RBFOX1: variants seen among roughly 807,000 people sequenced by gnomAD.
RBFOX1 encodes the protein RNA binding fox-1 homolog 1.
Under a neutral mutation model 57.7 loss-of-function variants are expected in RBFOX1, and 8 were observed. The observed-to-expected ratio is 0.14, with a 90% CI of 0.08 to 0.25. RBFOX1 has a LOEUF of 0.25. Among genes scored for constraint, RBFOX1 ranks in the 10% least tolerant of loss-of-function variants. The pLI, the probability that RBFOX1 is intolerant of heterozygous loss-of-function variation, is 1.00. For synonymous variants in RBFOX1, 326 were observed against 222.4 expected, an observed-to-expected ratio of 1.47 and a Z score of -4.15; for missense variants, 611 against 548.5, an observed-to-expected ratio of 1.11 and a Z score of -1.14.
At chr16:6,193,399 T>TATATATAC (rs1567651264) in intron 1 of RBFOX1, among the ~76,000 whole-genome samples, 1 of 39,168 alleles carries the variant, frequency 2.6e-5, no homozygotes, top group South Asian at 9.8e-4. Flanking sequence ...ATACTATATA[T>TATATATAC]ATATATATAT....
Position 7,389,119 on chromosome 16 carries a change from C to CTTTTTA in RBFOX1, c.28-129010_28-129005dup, listed in dbSNP as rs540259114. Among the ~76,000 whole-genome samples, 780 of 152,050 alleles carry CTTTTTA rather than the reference C, an allele frequency of 5.1e-3. 3 individuals carry two copies. Among genetic ancestry groups the CTTTTTA allele is most frequent in the Non-Finnish European group, 8.3e-3 (567 of 67,948 alleles). Reference sequence around the variant, plus strand: ...TACAAGTTGGTCTATTTCTTTGTTCCTTTTTATTTTTATTTTTATTTTTGG... The same window carrying CTTTTTA: ...TACAAGTTGGTCTATTTCTTTGTTCCTTTTTATTTTTATTTTTATTTTTATTTTTGG... On this transcript the variant is annotated intron_variant, in intron 4 of 15. Coordinates refer to ENST00000550418, the MANE Select transcript of RBFOX1 (RefSeq NM_018723.4).
chr16:7,122,724 T>C (rs916543875), intron 4 of RBFOX1, among the ~76,000 whole-genome samples: 11 of 152,130 alleles, frequency 7.2e-5, no homozygotes, highest in African/African-American at 1.9e-4. Flanking sequence ...CTGGGTTCCT[T>C]ACCCAAAGAT....
intron 3 of RBFOX1, among the ~76,000 whole-genome samples, chr16:5,639,212 T>G (rs1385928512): frequency 6.6e-6 from 1 of 152,208 alleles, no homozygotes; most frequent in African/African-American, 2.4e-5. Context: ...TAGAATTGTG[T>G]GCACACATTT....
intron 3 of RBFOX1, among the ~76,000 whole-genome samples, chr16:6,955,685 G>GTATT (rs1437207599): frequency 5.1e-4 from 51 of 100,594 alleles, no homozygotes; most frequent in South Asian, 3.7e-3. Flanking sequence ...ATTTAGGTAT[G>GTATT]TATGTATTTA....
chr16:7,678,790 T>C (rs1033512726), intron 14 of RBFOX1, among the ~76,000 whole-genome samples: 7 of 152,216 alleles, frequency 4.6e-5, no homozygotes. Context: ...TGGAACACCA[T>C]ACATGTAAAA....
chr16:6,104,573 G>T (rs914100204), intron 1 of RBFOX1, among the ~76,000 whole-genome samples: 4 of 152,092 alleles, frequency 2.6e-5, no homozygotes, highest in Admixed American at 6.6e-5. Context: ...GTCAATCTCT[G>T]TTCCCACCCT....
chr16:7,404,225 G>T (rs1043426262), intron 4 of RBFOX1, among the ~76,000 whole-genome samples: 8 of 151,878 alleles, frequency 5.3e-5, no homozygotes, highest in African/African-American at 1.4e-4. Context: ...GCTAAGTTTT[G>T]TATTTTTAGT....
At chr16:6,407,495 G>A (rs193108594) in intron 2 of RBFOX1, among the ~76,000 whole-genome samples, 1 of 151,854 alleles carries the variant, frequency 6.6e-6, no homozygotes, top group African/African-American at 2.4e-5. Context: ...TATATAGAGA[G>A]AGGCAGAGAC....
At chr16:6,915,973 A>G (rs773951300) in intron 3 of RBFOX1, among the ~76,000 whole-genome samples, 1 of 151,878 alleles carries the variant, frequency 6.6e-6, no homozygotes, top group Non-Finnish European at 1.5e-5. Flanking sequence ...AGGCAGAAAA[A>G]TCCAGTTTGA....
At chr16:5,906,727 C>CTTTTTTTTTTTTTTT (rs57589514) in intron 4 of RBFOX1, among the ~76,000 whole-genome samples, 1 of 71,490 alleles carries the variant, frequency 1.4e-5, no homozygotes. Flanking sequence ...ATCCTAGATT[C>CTTTTTTTTTTTTTTT]TTTTTTTTTT....
At chr16:6,504,609 GTAGA>G (rs1001990901) in intron 2 of RBFOX1, among the ~76,000 whole-genome samples, 1 of 152,160 alleles carries the variant, frequency 6.6e-6, no homozygotes, top group African/African-American at 2.4e-5. Flanking sequence ...CCTCATGTTG[GTAGA>G]TAGATGGGCA....
At chr16:6,812,695 C>T (rs1462338760) in intron 3 of RBFOX1, among the ~76,000 whole-genome samples, 1 of 152,098 alleles carries the variant, frequency 6.6e-6, no homozygotes, top group Non-Finnish European at 1.5e-5. Context: ...GTTTTTAATG[C>T]CTAAATGTGG....
intron 3 of RBFOX1, among the ~76,000 whole-genome samples, chr16:6,813,824 C>A (rs188639528): frequency 6.6e-6 from 1 of 151,970 alleles, no homozygotes; most frequent in Non-Finnish European, 1.5e-5. Flanking sequence ...AGGGAGGAGG[C>A]GCTGTTGATA....
chr16:6,721,232 C>G (rs1186427306), intron 3 of RBFOX1, among the ~76,000 whole-genome samples: 1 of 152,186 alleles, frequency 6.6e-6, no homozygotes, highest in Non-Finnish European at 1.5e-5. Flanking sequence ...CACCTGAGGT[C>G]AGGATTTTGA....
rs138468019 is a variant in RBFOX1 at position 6,408,645 on chromosome 16, C to T, written c.-64+91588C>T. Reference sequence around the variant, plus strand: ...AACAAGGCCAGTTTCTCTCCTCTTCCCTCCCTCTCTGACACCGTAGTGTTA... The same window carrying T: ...AACAAGGCCAGTTTCTCTCCTCTTCTCTCCCTCTCTGACACCGTAGTGTTA... On this transcript the variant is annotated intron_variant, in intron 2 of 15. Transcript: ENST00000550418. Among the ~76,000 whole-genome samples the T allele has an allele frequency of 8.0e-4, 122 of 152,202 alleles. 1 individual carries two copies. The highest frequency in any genetic ancestry group is 9.3e-4 in the Non-Finnish European group (63 of 68,012).
chr16:6,212,762 A>G (rs1194361977), intron 1 of RBFOX1, among the ~76,000 whole-genome samples: 1 of 152,162 alleles, frequency 6.6e-6, no homozygotes, highest in Non-Finnish European at 1.5e-5. Context: ...TAATGGAGTA[A>G]TCTGCGTTTT....
chr16:7,707,688 G>C (rs752354184), intron 14 of RBFOX1, among the ~76,000 whole-genome samples: 2 of 152,064 alleles, frequency 1.3e-5, no homozygotes, highest in African/African-American at 4.8e-5. Context: ...CACTCCTCAG[G>C]AAAGCCCACA....
chr16:7,341,480 G>T (rs1011510252), intron 4 of RBFOX1, among the ~76,000 whole-genome samples: 3 of 152,140 alleles, frequency 2.0e-5, no homozygotes, highest in African/African-American at 7.2e-5. Flanking sequence ...GGGGGGCCAT[G>T]CCATTCGCAG....
At chr16:5,900,725 A>T (rs1020766385) in intron 4 of RBFOX1, among the ~76,000 whole-genome samples, 2 of 152,172 alleles carry the variant, frequency 1.3e-5, no homozygotes, top group African/African-American at 4.8e-5. Context: ...CCTGGCGGCC[A>T]GCTTCGAGAA....
Sources: gnomAD v4.1 joint callset for allele counts (sites outside exome capture counted in the v4.1 genomes callset) on GRCh38, gnomAD v4.1.1 for gene constraint, MANE v1.5 for transcripts, NCBI Gene and HGNC (gene_info 2026-07-23, HGNC 2026-07-21) for gene names.